Variants in ADA observed in about 807,000 individuals in gnomAD.
ADA encodes the protein adenosine deaminase.
Under a neutral mutation model 49.0 loss-of-function variants are expected in ADA, and 45 were observed. The ratio of observed to expected loss-of-function variants is 0.92; its 90% CI spans 0.72 to 1.18. The LOEUF is 1.18. Ranked by LOEUF, ADA falls within the 50% of genes most tolerant of loss-of-function variation. The probability of loss-of-function intolerance (pLI) is 0.00; values close to 1 mark genes in which losing one functional copy is unlikely to be tolerated. For synonymous variants in ADA, 173 were observed against 184.2 expected (o/e 0.94, Z 0.49); for missense variants, 445 against 472.5 (o/e 0.94, Z 0.54).
chr20:44,651,684 T>C lies in ADA; in HGVS notation c.-77A>G. The C allele has an allele frequency of 4.9e-6, 7 of 1,433,688 alleles. No homozygotes were observed. Among genetic ancestry groups the C allele is most frequent in the Non-Finnish European group, 6.4e-6 (7 of 1,098,380 alleles). 88.8% of individuals were successfully genotyped at this position (1,433,688 alleles called of 1,614,324 possible). A position where few individuals can be genotyped will look rare whatever the true frequency, so the allele number is the denominator to read the frequency against. On this transcript the variant is annotated 5_prime_UTR_variant, in exon 1 of 12. Coordinates refer to ENST00000372874, the MANE Select transcript of ADA (RefSeq NM_000022.4). ...TCTGCCGGCTCGGTGGCCGCTCGGC[T>C]TTCCCTGGGGCCAGCGGTGGCCGCG...
intron 1 of ADA, among the ~76,000 whole-genome samples, chr20:44,637,669 A>G (rs1353410934): frequency 6.6e-6 from 1 of 152,186 alleles, no homozygotes; most frequent in Non-Finnish European, 1.5e-5. Context: ...GAGCACATAC[A>G]TGAGCTGCCT....
rs78448347 is a variant in ADA at position 44,643,217 on chromosome 20, C to T, written c.34-6929G>A. Reference sequence around the variant, plus strand: ...GAGTATCTACTATGTGCTAGACCATCTATATGCATTATCTTATTTCATCCT... The same window carrying T: ...GAGTATCTACTATGTGCTAGACCATTTATATGCATTATCTTATTTCATCCT... On this transcript the variant is annotated intron_variant, in intron 1 of 11. Coordinates refer to ENST00000372874, the MANE Select transcript of ADA (RefSeq NM_000022.4). 8.2e-3 allele frequency among the ~76,000 whole-genome samples: 1,248 copies of T among 152,300 alleles called. 20 individuals carry two copies. The highest frequency in any genetic ancestry group is 0.028 in the African/African-American group (1,168 of 41,546).
At position 44,621,003 on chromosome 20, in the gene ADA, C is replaced by T; in HGVS notation, c.975+15G>A. 1.9e-6 allele frequency: 3 copies of T among 1,613,800 alleles called. No homozygotes were observed. The highest frequency in any genetic ancestry group is 2.5e-6 in the Non-Finnish European group (3 of 1,179,976). On this transcript the variant is annotated intron_variant, in intron 10 of 11. Transcript: ENST00000372874. ...CAAACCCGAGTCAAGGCCAGTATGGCTCACACCCACTCACCAGCCTTTTAA... is the reference window on the plus strand; with the variant it reads ...CAAACCCGAGTCAAGGCCAGTATGGTTCACACCCACTCACCAGCCTTTTAA...
At chr20:44,642,560 T>G (rs1315807683) in intron 1 of ADA, among the ~76,000 whole-genome samples, 1 of 151,556 alleles carries the variant, frequency 6.6e-6, no homozygotes. Context: ...TTGGCCAGAG[T>G]GCAGAGTGAG....
chr20:44,639,033 T>C (rs73300337), intron 1 of ADA, among the ~76,000 whole-genome samples: 2,000 of 152,188 alleles, frequency 0.013, 34 homozygotes, highest in African/African-American at 0.046. Context: ...GGCTGCAGGA[T>C]AGGACCACCC....
intron 3 of ADA, 55 bp from the exon 4 acceptor site, chr20:44,626,654 C>T: frequency 6.2e-7 from 1 of 1,607,420 alleles, no homozygotes; most frequent in East Asian, 2.2e-5. Flanking sequence ...CTTGGGAGCT[C>T]CAGGAGCAAA....
intron 6 of ADA, chr20:44,623,842 G>C: frequency 2.7e-6 from 1 of 373,366 alleles, no homozygotes; most frequent in Non-Finnish European, 5.3e-6. Context: ...TGACTTCCTG[G>C]ACTCAAGCAA....
At chr20:44,632,168 A>C (rs2065439341) in intron 2 of ADA, among the ~76,000 whole-genome samples, 1 of 152,108 alleles carries the variant, frequency 6.6e-6, no homozygotes, top group Non-Finnish European at 1.5e-5. Flanking sequence ...TTTCAGCAGA[A>C]GCCTTGGGGT....
At chr20:44,645,718 G>A (rs1182517772) in intron 1 of ADA, among the ~76,000 whole-genome samples, 2 of 152,208 alleles carry the variant, frequency 1.3e-5, no homozygotes, top group Admixed American at 6.5e-5. Flanking sequence ...TGCACTTGGT[G>A]TTTGAGAGGT....
At chr20:44,628,007 A>G (rs1253633377) in intron 3 of ADA, among the ~76,000 whole-genome samples, 1 of 152,266 alleles carries the variant, frequency 6.6e-6, no homozygotes, top group African/African-American at 2.4e-5. Context: ...TCCAGAAGCA[A>G]GGCACAAATT....
In ADA at chr20:44,619,753, A is replaced by G; in HGVS notation, c.*81T>C. On this transcript the variant is annotated 3_prime_UTR_variant, in exon 12 of 12. Coordinates refer to ENST00000372874, the MANE Select transcript of ADA (RefSeq NM_000022.4). ...ACTATTGAGATCATGGTCTTCTTGG[A>G]AGGAATAAATGTAAAAATGTTGCTC... 1 of 1,565,056 alleles carries G rather than the reference A, an allele frequency of 6.4e-7. No individual in the cohort carries two copies. Among genetic ancestry groups the G allele is most frequent in the South Asian group, 1.1e-5 (1 of 89,934 alleles).
intron 1 of ADA, among the ~76,000 whole-genome samples, chr20:44,649,473 G>A (rs371692937): frequency 6.6e-6 from 1 of 151,982 alleles, no homozygotes; most frequent in East Asian, 1.9e-4. Flanking sequence ...CTCAGGACAC[G>A]GGACACCCAC....
In ADA at chr20:44,626,493, TG is replaced by T; in HGVS notation, c.324del (p.Asn109ThrfsTer24). The T allele has an allele frequency of 6.2e-7, 1 of 1,614,122 alleles. No homozygotes were observed. The highest frequency in any genetic ancestry group is 8.5e-7 in the Non-Finnish European group (1 of 1,180,032). ...VEVRYSPHLL[A>X]NSKVEPIPWN... ...CAGGGGATTGGCTCCACTTTGGAGT[TG>T]GCCAGCAGGTGCGGACTGTACCGCA... On this transcript the variant is annotated frameshift_variant, in exon 4 of 12. Transcript: ENST00000372874. LOFTEE classifies it high-confidence loss of function.
In ADA at chr20:44,651,635, C is replaced by G. The variant is rs1186616350; in HGVS notation, c.-28G>C. The G allele has an allele frequency of 2.1e-5, 32 of 1,504,686 alleles. No homozygotes were observed. Among genetic ancestry groups the G allele is most frequent in the Non-Finnish European group, 2.7e-5 (31 of 1,134,082 alleles). The allele number at this position is 1,504,686 out of a possible 1,614,324, so 93.2% of individuals were successfully genotyped here. A position where few individuals can be genotyped will look rare whatever the true frequency, so the allele number is the denominator to read the frequency against. Reference sequence around the variant, plus strand: ...TGCCCTCGTGCGCCCCGGCGCTGCTCCCTCCGCCGCCGCTCGGTGGGTCTC... The same window carrying G: ...TGCCCTCGTGCGCCCCGGCGCTGCTGCCTCCGCCGCCGCTCGGTGGGTCTC... On this transcript the variant is annotated 5_prime_UTR_variant, in exon 1 of 12. Transcript: ENST00000372874.
chr20:44,651,495 G>T, intron 1 of ADA, 80 bp downstream of exon 1: 1 of 1,393,046 alleles, frequency 7.2e-7, no homozygotes. Context: ...GGGTTTGGAC[G>T]CCCCGGGCTG....
At chr20:44,633,593 C>T (rs979294202) in intron 2 of ADA, among the ~76,000 whole-genome samples, 7 of 152,088 alleles carry the variant, frequency 4.6e-5, no homozygotes, top group African/African-American at 1.2e-4. Flanking sequence ...CTGCAGGGCC[C>T]GTAGAGAGGA....
chr20:44,626,481 C>T lies in ADA; in HGVS notation c.337G>A (p.Glu113Lys), dbSNP rs1275500780. Residue 113 changes from glutamate (E) to lysine (K), a missense_variant, in exon 4 of 12, where the codon GAG becomes AAG. Physicochemically the swap from Glu to Lys is moderately conservative, Grantham distance 56. Transcript: ENST00000372874. ...SPHLLANSKVEPIPWNQAEGD... is the reference protein window; with the variant it reads ...SPHLLANSKVKPIPWNQAEGD... The stretch of plus-strand genomic sequence containing the variant: ...TCAGCCTGGTTCCAGGGGATTGGCT[C>T]CACTTTGGAGTTGGCCAGCAGGTGC... 1 of 1,614,088 alleles carries T rather than the reference C, an allele frequency of 6.2e-7. No homozygotes were observed. The highest frequency in any genetic ancestry group is 2.2e-5 in the East Asian group (1 of 44,876).
At chr20:44,628,548 T>C (rs2065403875) in intron 3 of ADA, among the ~76,000 whole-genome samples, 1 of 151,490 alleles carries the variant, frequency 6.6e-6, no homozygotes, top group African/African-American at 2.4e-5. Context: ...AATAAATAAA[T>C]AAATAAATAA....
At chr20:44,623,477 TC>T (rs1336332886) in intron 6 of ADA, among the ~76,000 whole-genome samples, 1 of 152,124 alleles carries the variant, frequency 6.6e-6, no homozygotes, top group African/African-American at 2.4e-5. Flanking sequence ...GGAGGCCCAT[TC>T]ATCATCACGC....
Sources: gnomAD v4.1 joint callset for allele counts (sites outside exome capture counted in the v4.1 genomes callset) on GRCh38, gnomAD v4.1.1 for gene constraint, MANE v1.5 for transcripts, NCBI Gene and HGNC (gene_info 2026-07-23, HGNC 2026-07-21) for gene names.